Variants in PIK3R3 observed in about 807,000 individuals in gnomAD.
PIK3R3 encodes phosphatidylinositol 3-kinase regulatory subunit gamma.
PIK3R3 carries 64 observed loss-of-function variants against 62.9 expected under a neutral mutation model. The ratio of observed to expected loss-of-function variants is 1.02; its 90% CI spans 0.83 to 1.25. PIK3R3 has a LOEUF of 1.25. PIK3R3 is among the 50% of genes most tolerant of loss of function. The pLI, the probability that PIK3R3 is intolerant of heterozygous loss-of-function variation, is 0.00. For synonymous variants in PIK3R3, 165 were observed against 189.0 expected (o/e 0.87, Z 1.04); for missense variants, 614 against 561.6 (o/e 1.09, Z -0.94).
At chr1:46,109,683 C>T (rs1653557306) in intron 1 of PIK3R3, among the ~76,000 whole-genome samples, 1 of 152,018 alleles carries the variant, frequency 6.6e-6, no homozygotes, top group South Asian at 2.1e-4. Flanking sequence ...ATGTGTTCAC[C>T]ATATTGGCCA....
chr1:46,159,934 C>G, the PIK3R3 span, among the ~76,000 whole-genome samples: 2 of 152,210 alleles, frequency 1.3e-5, no homozygotes, highest in East Asian at 3.9e-4. Context: ...ACTCTCCAGC[C>G]CTCTCTTCCT....
intron 1 of PIK3R3, among the ~76,000 whole-genome samples, chr1:46,130,587 C>T (rs1655496811): frequency 6.6e-6 from 1 of 151,950 alleles, no homozygotes; most frequent in Non-Finnish European, 1.5e-5. Flanking sequence ...GGATAATTCA[C>T]CGTTTGCAAG....
intron 2 of PIK3R3, among the ~76,000 whole-genome samples, chr1:46,078,488 G>A (rs1205525321): frequency 3.9e-5 from 6 of 152,134 alleles, no homozygotes; most frequent in Non-Finnish European, 8.8e-5. Flanking sequence ...GTTGCAGTGG[G>A]CTGAGACTGC....
intron 1 of PIK3R3, among the ~76,000 whole-genome samples, chr1:46,090,937 C>T (rs972617423): frequency 6.6e-6 from 1 of 152,054 alleles, no homozygotes; most frequent in Non-Finnish European, 1.5e-5. Context: ...TGATGATCTG[C>T]CTGGGGTTAG....
At chr1:46,166,890 A>G in the PIK3R3 span, among the ~76,000 whole-genome samples, 1 of 152,176 alleles carries the variant, frequency 6.6e-6, no homozygotes, top group Non-Finnish European at 1.5e-5. Context: ...TTTCTTTACC[A>G]AAACCCAGGC....
chr1:46,089,988 A>T (rs1651462817), intron 1 of PIK3R3, among the ~76,000 whole-genome samples: 1 of 152,192 alleles, frequency 6.6e-6, no homozygotes, highest in South Asian at 2.1e-4. Flanking sequence ...AAAACACCAG[A>T]AGAAAAGGCC....
chr1:46,069,778 A>C (rs1649327539), intron 3 of PIK3R3, among the ~76,000 whole-genome samples: 1 of 152,184 alleles, frequency 6.6e-6, no homozygotes, highest in African/African-American at 2.4e-5. Flanking sequence ...TGGTGGTCAG[A>C]GACATGGAAG....
the PIK3R3 span, among the ~76,000 whole-genome samples, chr1:46,144,338 C>A: frequency 1.3e-5 from 2 of 152,162 alleles, no homozygotes; most frequent in Admixed American, 6.5e-5. Flanking sequence ...CTTCTTAAGG[C>A]CCAGCTTGGT....
intron 1 of PIK3R3, among the ~76,000 whole-genome samples, chr1:46,112,466 A>G (rs1216334244): frequency 6.6e-6 from 1 of 152,234 alleles, no homozygotes; most frequent in Non-Finnish European, 1.5e-5. Context: ...AGATTCCCAG[A>G]AGAGCTATTT....
In PIK3R3 at chr1:46,102,749, A is replaced by T. The variant is rs542730637; in HGVS notation, c.107-21999T>A. ...AACAGTATGGAGGTTCCTCAAAAAAAATTTTTAAAATACCATATGATCCAG... is the reference window on the plus strand; with the variant it reads ...AACAGTATGGAGGTTCCTCAAAAAATATTTTTAAAATACCATATGATCCAG... On this transcript the variant is annotated intron_variant, in intron 1 of 9. Transcript: ENST00000262741. Among the ~76,000 whole-genome samples, 341 of 151,360 alleles carry T rather than the reference A, an allele frequency of 2.3e-3. 1 individual carries two copies. The highest frequency in any genetic ancestry group is 6.8e-3 in the Middle Eastern group (2 of 294).
At chr1:46,056,507 T>A (rs1373098316) in intron 6 of PIK3R3, 2 of 152,370 alleles carry the variant, frequency 1.3e-5, no homozygotes, top group Non-Finnish European at 2.9e-5. Context: ...GACTGGCCAA[T>A]AAGAATATTC....
chr1:46,068,037 A>G (rs1307158549), intron 3 of PIK3R3, among the ~76,000 whole-genome samples: 1 of 152,238 alleles, frequency 6.6e-6, no homozygotes, highest in Non-Finnish European at 1.5e-5. Flanking sequence ...ATGCCATGCC[A>G]TTTTATATAA....
At chr1:46,142,535 A>G in the PIK3R3 span, among the ~76,000 whole-genome samples, 7 of 152,092 alleles carry the variant, frequency 4.6e-5, no homozygotes. Context: ...CGTCTCTACT[A>G]AAAATGCAAA....
chr1:46,076,924 A>T (rs1347436638), intron 3 of PIK3R3, among the ~76,000 whole-genome samples: 1 of 152,218 alleles, frequency 6.6e-6, no homozygotes, highest in Non-Finnish European at 1.5e-5. Flanking sequence ...TTTTAAAAAA[A>T]ATCATAAGGC....
rs924800963 is a variant in PIK3R3 at position 46,084,246 on chromosome 1, G to T, written c.107-3496C>A. On this transcript the variant is annotated intron_variant, in intron 1 of 9. Coordinates refer to ENST00000262741, the MANE Select transcript of PIK3R3 (RefSeq NM_003629.4). ...GAAAGTAAATCAATGGTTGGCTAGG[G>T]CTGGGGAGTAAAGTGGGAAATAGGG... Among the ~76,000 whole-genome samples the T allele has an allele frequency of 7.9e-5, 12 of 152,274 alleles. No individual in the cohort carries two copies. In the East Asian group the frequency reaches 2.3e-3, roughly 29 times the overall value.
rs935129295 is a variant in PIK3R3, at chr1:46,132,041, A to G, written c.-89T>C. 3.9e-6 allele frequency: 6 copies of G among 1,526,488 alleles called. No homozygotes were observed. In the African/African-American group the frequency reaches 5.6e-5, roughly 14 times the overall value. 94.6% of individuals were successfully genotyped at this position (1,526,488 alleles called of 1,614,324 possible). A position where few individuals can be genotyped will look rare whatever the true frequency, so the allele number is the denominator to read the frequency against. On this transcript the variant is annotated 5_prime_UTR_variant, in exon 1 of 10. Coordinates refer to ENST00000262741, the MANE Select transcript of PIK3R3 (RefSeq NM_003629.4). Reference sequence around the variant, plus strand: ...AAAAATCTAAAAATATATATCTGCAAAAGTTCCACACGGAAATGTACTTCG... The same window carrying G: ...AAAAATCTAAAAATATATATCTGCAGAAGTTCCACACGGAAATGTACTTCG...
At chr1:46,094,051 A>G (rs1651888470) in intron 1 of PIK3R3, among the ~76,000 whole-genome samples, 1 of 151,900 alleles carries the variant, frequency 6.6e-6, no homozygotes, top group Non-Finnish European at 1.5e-5. Flanking sequence ...ACTGGGCAAC[A>G]GAGTGAGACC....
intron 3 of PIK3R3, among the ~76,000 whole-genome samples, 184 bp from the exon 4 acceptor site, chr1:46,067,275 T>TATATATATAA (rs1553147359): frequency 2.0e-5 from 3 of 147,800 alleles, no homozygotes; most frequent in Non-Finnish European, 4.5e-5. Context: ...TATATATATA[T>TATATATATAA]ATAATTCATT....
Position 46,055,817 on chromosome 1 carries a change from TTCGCA to T in PIK3R3, c.914_918del (p.Leu305GlnfsTer27). 6.8e-7 allele frequency: 1 copy of T among 1,462,512 alleles called. No homozygotes were observed. The highest frequency in any genetic ancestry group is 1.4e-5 in the South Asian group (1 of 71,218). 90.6% of individuals were successfully genotyped at this position (1,462,512 alleles called of 1,614,324 possible). The stretch of plus-strand genomic sequence containing the variant: ...TACACAAGGTGTTGATCTCGGATCT[TTCGCA>T]GCTGGATCAGGTCAGGTTTGATGCT... On this transcript the variant is annotated frameshift_variant, in exon 7 of 10. Transcript: ENST00000262741. LOFTEE classifies it high-confidence loss of function.
Sources: gnomAD v4.1 joint callset for allele counts (sites outside exome capture counted in the v4.1 genomes callset) on GRCh38, gnomAD v4.1.1 for gene constraint, MANE v1.5 for transcripts, NCBI Gene and HGNC (gene_info 2026-07-23, HGNC 2026-07-21) for gene names.